MYO3B: variants seen among roughly 807,000 people sequenced by gnomAD.
MYO3B encodes myosin IIIB.
Under a neutral mutation model 174.6 loss-of-function variants are expected in MYO3B, and 156 were observed. The observed-to-expected ratio is 0.89, with a 90% CI of 0.78 to 1.02. The LOEUF (loss-of-function observed/expected upper bound fraction) is 1.02. Among genes scored for constraint, MYO3B ranks in the 50% least tolerant of loss-of-function variants. The pLI, the probability that MYO3B is intolerant of heterozygous loss-of-function variation, is 0.00. For missense variants in MYO3B, 1,632 were observed against 1,639.4 expected (o/e 1.00, Z 0.08); for synonymous variants, 563 against 569.1 (o/e 0.99, Z 0.15).
At chr2:170,581,212 G>A (rs1361853145) in intron 32 of MYO3B, among the ~76,000 whole-genome samples, 14 of 151,956 alleles carry the variant, frequency 9.2e-5, no homozygotes, top group Non-Finnish European at 2.1e-4. Flanking sequence ...AATAAATTTC[G>A]GAGTCAGAAA....
chr2:170,511,674 T>C (rs1687998911), intron 28 of MYO3B, among the ~76,000 whole-genome samples: 1 of 152,222 alleles, frequency 6.6e-6, no homozygotes, highest in Non-Finnish European at 1.5e-5. Flanking sequence ...TTATTTGCTG[T>C]CGTTCCTTCT....
chr2:170,252,182 C>T (rs906826365), intron 7 of MYO3B, among the ~76,000 whole-genome samples: 14 of 152,214 alleles, frequency 9.2e-5, no homozygotes, highest in African/African-American at 3.4e-4. Flanking sequence ...CCACCCTTCA[C>T]CCCCTTCCTT....
At chr2:170,374,261 C>T (rs1384856823) in intron 9 of MYO3B, among the ~76,000 whole-genome samples, 1 of 152,096 alleles carries the variant, frequency 6.6e-6, no homozygotes, top group East Asian at 1.9e-4. Context: ...GAAGAGTGGC[C>T]TTGGGATCTT....
At chr2:170,208,917 G>C (rs747705127) in intron 3 of MYO3B, among the ~76,000 whole-genome samples, 1 of 152,160 alleles carries the variant, frequency 6.6e-6, no homozygotes, top group Non-Finnish European at 1.5e-5. Context: ...ACAGCCATGG[G>C]TTTGTATCCT....
chr2:170,219,754 A>G (rs1179558615), intron 6 of MYO3B, among the ~76,000 whole-genome samples: 3 of 152,212 alleles, frequency 2.0e-5, no homozygotes, highest in Non-Finnish European at 2.9e-5. Flanking sequence ...AACTATTGAT[A>G]TTAGCAAATT....
chr2:170,454,874 A>G (rs1575005724), intron 23 of MYO3B, among the ~76,000 whole-genome samples: 1 of 152,292 alleles, frequency 6.6e-6, no homozygotes, highest in East Asian at 1.9e-4. Flanking sequence ...TAGGGGGGAC[A>G]GTGCATTAGG....
intron 32 of MYO3B, among the ~76,000 whole-genome samples, chr2:170,636,045 C>T (rs538517309): frequency 6.6e-6 from 1 of 152,166 alleles, no homozygotes; most frequent in South Asian, 2.1e-4. Flanking sequence ...AGTCACAGAT[C>T]GTATTATATA....
At chr2:170,359,981 C>G (rs1354986762) in intron 8 of MYO3B, among the ~76,000 whole-genome samples, 2 of 152,132 alleles carry the variant, frequency 1.3e-5, no homozygotes, top group Non-Finnish European at 2.9e-5. Context: ...ATCTGATTCT[C>G]TAAATCTTTC....
chr2:170,487,285 C>A (rs1032550671), intron 25 of MYO3B, among the ~76,000 whole-genome samples: 1 of 152,176 alleles, frequency 6.6e-6, no homozygotes, highest in African/African-American at 2.4e-5. Flanking sequence ...ATTGACCTTC[C>A]CACACTGATT....
At position 170,232,298 on chromosome 2, in the gene MYO3B, G is replaced by T. The variant is rs570574151; in HGVS notation, c.604-3693G>T. Among the ~76,000 whole-genome samples the T allele has an allele frequency of 1.7e-3, 265 of 152,296 alleles. 1 individual carries two copies. Among genetic ancestry groups the T allele is most frequent in the African/African-American group, 5.9e-3 (245 of 41,562 alleles). On this transcript the variant is annotated intron_variant, in intron 6 of 34. Coordinates refer to ENST00000408978, the MANE Select transcript of MYO3B (RefSeq NM_138995.5). ...GAAATAGCTTCAGACTTTGGTATTG[G>T]ATTGATAGGGAATCCCATTCCAGGA...
At chr2:170,370,746 C>G (rs1298576091) in intron 9 of MYO3B, among the ~76,000 whole-genome samples, 1 of 151,372 alleles carries the variant, frequency 6.6e-6, no homozygotes, top group African/African-American at 2.4e-5. Flanking sequence ...AACCCAACAT[C>G]TAAAGGGTAT....
chr2:170,339,821 T>G (rs6716429), intron 8 of MYO3B, among the ~76,000 whole-genome samples: 5 of 151,986 alleles, frequency 3.3e-5, no homozygotes, highest in African/African-American at 9.7e-5. Context: ...AGCTTAGTTA[T>G]GATAAATTAA....
At chr2:170,422,988 T>TTC in intron 22 of MYO3B, among the ~76,000 whole-genome samples, 1 of 140,316 alleles carries the variant, frequency 7.1e-6, no homozygotes, top group African/African-American at 2.6e-5. Context: ...TTTTTTTTTT[T>TTC]TTTTTTTTTT....
intron 8 of MYO3B, among the ~76,000 whole-genome samples, chr2:170,367,699 T>C (rs1558929630): frequency 6.6e-6 from 1 of 152,178 alleles, no homozygotes; most frequent in Admixed American, 6.6e-5. Flanking sequence ...TAGTTACATA[T>C]AGAGATGAAT....
At chr2:170,497,261 ACT>A (rs1491117613) in intron 25 of MYO3B, among the ~76,000 whole-genome samples, 1 of 19,350 alleles carries the variant, frequency 5.2e-5, no homozygotes, top group African/African-American at 5.6e-5. Context: ...AGGGTAATAA[ACT>A]ATTTTTTCGA....
chr2:170,291,188 G>A (rs547392471), intron 7 of MYO3B, among the ~76,000 whole-genome samples: 165 of 152,094 alleles, frequency 1.1e-3, no homozygotes, highest in Non-Finnish European at 2.1e-3. Context: ...GGCAGAAGCT[G>A]CAGTGAGCCG....
At chr2:170,561,476 A>C (rs1050727564) in intron 32 of MYO3B, among the ~76,000 whole-genome samples, 18 of 152,192 alleles carry the variant, frequency 1.2e-4, no homozygotes, top group African/African-American at 3.4e-4. Flanking sequence ...TTTACATCAC[A>C]AGCCTCTGTG....
intron 32 of MYO3B, among the ~76,000 whole-genome samples, chr2:170,619,703 C>T (rs1017550472): frequency 7.0e-6 from 1 of 142,798 alleles, no homozygotes; most frequent in African/African-American, 2.6e-5. Context: ...CAAACCTCAT[C>T]TCTAAAGTGA....
At chr2:170,333,439 A>G (rs2093925671) in intron 7 of MYO3B, among the ~76,000 whole-genome samples, 1 of 152,196 alleles carries the variant, frequency 6.6e-6, no homozygotes, top group Non-Finnish European at 1.5e-5. Context: ...TCTGGGTAAT[A>G]CACAGATAAT....
Sources: allele counts gnomAD v4.1 joint callset (sites outside exome capture counted in the v4.1 genomes callset), GRCh38; gene constraint gnomAD v4.1.1; transcripts MANE v1.5; gene names NCBI Gene and HGNC (gene_info 2026-07-23, HGNC 2026-07-21).